Variants in POLR2E observed in about 807,000 individuals in gnomAD.
POLR2E encodes DNA-directed RNA polymerases I, II, and III subunit RPABC1.
Under a neutral mutation model 29.8 loss-of-function variants are expected in POLR2E, and 35 were observed. The observed-to-expected ratio is 1.17, with a 90% CI of 0.90 to 1.55. The LOEUF is 1.55. POLR2E is among the 40% of genes most tolerant of loss of function. The pLI, the probability that POLR2E is intolerant of heterozygous loss-of-function variation, is 0.00. For missense variants in POLR2E, 287 were observed against 288.6 expected, an observed-to-expected ratio of 0.99 and a Z score of 0.04; for synonymous variants, 174 against 112.6, an observed-to-expected ratio of 1.55 and a Z score of -3.45.
chr19:1,094,065 C>T lies in POLR2E; in HGVS notation c.71G>A (p.Arg24His), dbSNP rs200794578. ...CTCGTCCTGGGTCACCAGATAGCCA[C>T]GGTCGTGGCACAGCTGCAGAGAGAA... Reference protein sequence around the residue: ...RKTIMQLCHDRGYLVTQDELD... With the variant: ...RKTIMQLCHDHGYLVTQDELD... Residue 24 changes from arginine to histidine, a missense_variant, in exon 2 of 8, where the codon CGT becomes CAT. By Grantham distance (29) the Arg-to-His change is conservative. Transcript: ENST00000615234. 8 of 1,611,664 alleles carry T rather than the reference C, an allele frequency of 5.0e-6. No individual in the cohort carries two copies. The highest frequency in any genetic ancestry group is 3.4e-5 in the Admixed American group (2 of 59,550).
At chr19:1,089,745 G>A (rs1381860914) in intron 6 of POLR2E, 139 bp downstream of exon 6, 2 of 801,154 alleles carry the variant, frequency 2.5e-6, no homozygotes, top group African/African-American at 1.7e-5. Context: ...TTTAAGAGGG[G>A]GATATTGGGG....
rs1185676987 is a variant in POLR2E, at chr19:1,093,975, C to T, written c.161G>A (p.Arg54Gln). The T allele has an allele frequency of 7.4e-6, 12 of 1,613,696 alleles. No individual in the cohort carries two copies. The highest frequency in any genetic ancestry group is 2.2e-5 in the South Asian group (2 of 91,062). The change falls in exon 2 of 8, where the codon CGG becomes CAG. Residue 54 changes from arginine (R) to glutamine (Q), a missense_variant. Transcript: ENST00000615234. Reference sequence around the variant, plus strand: ...CACCAGCACGGTGAGGTCCGTGCGCCGCGGCCGCCCCTCACTCGGCTTGTC... The same window carrying T: ...CACCAGCACGGTGAGGTCCGTGCGCTGCGGCCGCCCCTCACTCGGCTTGTC... ...SGDKPSEGRP[R>Q]RTDLTVLVAH...
In POLR2E at chr19:1,095,210, C is replaced by T. The variant is rs372489646; in HGVS notation, c.57+49G>A. 30 of 1,592,234 alleles carry T rather than the reference C, an allele frequency of 1.9e-5. No homozygotes were observed. The African/African-American group carries it at 4.0e-4, about 21-fold the overall frequency. On this transcript the variant is annotated intron_variant, in intron 1 of 7. Coordinates refer to ENST00000615234, the MANE Select transcript of POLR2E (RefSeq NM_002695.5). The stretch of plus-strand genomic sequence containing the variant: ...GCCGTGCTCGACCCCACCTCGGGCC[C>T]CTACACCCGCCGCCCGCGCCCCCGC...
chr19:1,091,023 G>A (rs2043817320), intron 3 of POLR2E, 35 bp from the exon 4 acceptor site: 4 of 1,595,974 alleles, frequency 2.5e-6, no homozygotes, highest in East Asian at 4.5e-5. Flanking sequence ...CGGCCCGGAG[G>A]GGCCCAGACA....
chr19:1,088,872 G>A (rs903547103), intron 7 of POLR2E, among the ~76,000 whole-genome samples, 152 bp from the exon 8 acceptor site: 12 of 151,540 alleles, frequency 7.9e-5, no homozygotes, highest in Non-Finnish European at 1.8e-4. Context: ...TGTGCCCAGC[G>A]GTCACACAGG....
chr19:1,095,070 C>A (rs2043912049), intron 1 of POLR2E, 189 bp downstream of exon 1: 1 of 597,358 alleles, frequency 1.7e-6, no homozygotes, highest in Non-Finnish European at 2.9e-6. Context: ...AACCCCCTCC[C>A]TTCCCCGCTG....
At chr19:1,094,193 G>A in intron 1 of POLR2E, 115 bp from the exon 2 acceptor site, 4 of 897,934 alleles carry the variant, frequency 4.5e-6, no homozygotes, top group Middle Eastern at 2.8e-4. Context: ...ACAGCAAACG[G>A]GATGAACACT....
chr19:1,093,779 T>C, intron 2 of POLR2E, 125 bp downstream of exon 2: 1 of 1,414,378 alleles, frequency 7.1e-7, no homozygotes, highest in African/African-American at 1.5e-5. Context: ...AGGGGAGTTT[T>C]CCTCCCAGAC....
chr19:1,095,257 A>T lies in POLR2E; in HGVS notation c.57+2T>A. The T allele has an allele frequency of 6.2e-7, 1 of 1,612,814 alleles. No homozygotes were observed. On this transcript the variant is annotated splice_donor_variant, in intron 1 of 7. Coordinates refer to ENST00000615234, the MANE Select transcript of POLR2E (RefSeq NM_002695.5). LOFTEE classifies it high-confidence loss of function. Reference sequence around the variant, plus strand: ...CCGCCCCCAACACCAGGCGCGGCTCACCTGCATGATGGTCTTGCGGATTTT... The same window carrying T: ...CCGCCCCCAACACCAGGCGCGGCTCTCCTGCATGATGGTCTTGCGGATTTT...
At chr19:1,094,181 G>A in intron 1 of POLR2E, 103 bp from the exon 2 acceptor site, 2 of 1,080,660 alleles carry the variant, frequency 1.9e-6, no homozygotes, top group Admixed American at 2.5e-5. Flanking sequence ...GGACAGAGGT[G>A]AACAGCAAAC....
chr19:1,095,325 C>T lies in POLR2E; in HGVS notation c.-10G>A, dbSNP rs771203927. Reference sequence around the variant, plus strand: ...CCTCCTCGTCGTCCATGGCAGCCTCCGCCGCCGCCGCCGCTCGCACCCCTT... The same window carrying T: ...CCTCCTCGTCGTCCATGGCAGCCTCTGCCGCCGCCGCCGCTCGCACCCCTT... On this transcript the variant is annotated 5_prime_UTR_variant, in exon 1 of 8. Coordinates refer to ENST00000615234, the MANE Select transcript of POLR2E (RefSeq NM_002695.5). 59 of 1,592,582 alleles carry T rather than the reference C, an allele frequency of 3.7e-5. No individual in the cohort carries two copies. Among genetic ancestry groups the T allele is most frequent in the Non-Finnish European group, 4.9e-5 (57 of 1,164,042 alleles).
chr19:1,091,886 T>G lies in POLR2E; in HGVS notation c.254A>C (p.Lys85Thr). Residue 85 changes from lysine (K) to threonine (T), a missense_variant, in exon 3 of 8, where the codon AAG becomes ACG. Coordinates refer to ENST00000615234, the MANE Select transcript of POLR2E (RefSeq NM_002695.5). Reference protein sequence around the residue: ...FFPEEPKVGIKTIKVYCQRMQ... With the variant: ...FFPEEPKVGITTIKVYCQRMQ... ...GCGCTGGCAGTACACCTTGATGGTC[T>G]TGATGCCCACCTTGGGCTCCTCTGC... The G allele has an allele frequency of 6.2e-7, 1 of 1,612,366 alleles. No individual in the cohort carries two copies. Among genetic ancestry groups the G allele is most frequent in the South Asian group, 1.1e-5 (1 of 91,066 alleles).
rs2043711764 is a variant in POLR2E, at chr19:1,087,187, T to G, written c.*1548A>C. ...AAAGTTTTTTGTAGAGGTGGGGGGT[T>G]TCTCTGTGTTGCCCGGGCTGGTCTT... On this transcript the variant is annotated 3_prime_UTR_variant, in exon 8 of 8. Coordinates refer to ENST00000615234, the MANE Select transcript of POLR2E (RefSeq NM_002695.5). 1 of 150,896 alleles carries G rather than the reference T, an allele frequency of 6.6e-6. No homozygotes were observed. The highest frequency in any genetic ancestry group is 2.4e-5 in the African/African-American group (1 of 40,880). The allele number at this position is 150,896 out of a possible 1,614,324, so 9.3% of individuals were successfully genotyped here. A position where few individuals can be genotyped will look rare whatever the true frequency, so the allele number is the denominator to read the frequency against.
At chr19:1,093,403 G>A (rs577612287) in intron 2 of POLR2E, among the ~76,000 whole-genome samples, 1 of 152,258 alleles carries the variant, frequency 6.6e-6, no homozygotes, top group East Asian at 1.9e-4. Context: ...GGGTCCCAGG[G>A]GTCCTGGGAA....
At chr19:1,092,062 G>T (rs1160610947) in intron 2 of POLR2E, among the ~76,000 whole-genome samples, 155 bp from the exon 3 acceptor site, 1 of 152,182 alleles carries the variant, frequency 6.6e-6, no homozygotes, top group Non-Finnish European at 1.5e-5. Context: ...GGCCTGAGTT[G>T]CAGGATCCCA....
rs1238515759 is a variant in POLR2E, at chr19:1,086,760, A to G, written c.*1975T>C. 1 of 151,912 alleles carries G rather than the reference A, an allele frequency of 6.6e-6. No individual in the cohort carries two copies. The highest frequency in any genetic ancestry group is 1.5e-5 in the Non-Finnish European group (1 of 67,936). The allele number at this position is 151,912 out of a possible 1,614,324, so 9.4% of individuals were successfully genotyped here. ...CCTCCCCCTAGGGGAGGGATGTGTG[A>G]GGAAGGGAACCCCCCGCCACGGGGC... On this transcript the variant is annotated 3_prime_UTR_variant, in exon 8 of 8. Transcript: ENST00000615234.
chr19:1,091,195 A>G (rs548947810), intron 3 of POLR2E, among the ~76,000 whole-genome samples: 10 of 152,332 alleles, frequency 6.6e-5, no homozygotes, highest in African/African-American at 2.2e-4. Context: ...TCCAGCAGTG[A>G]AGTGGCCGTG....
At chr19:1,089,800 G>T (rs974630028) in intron 6 of POLR2E, 84 bp downstream of exon 6, 1 of 1,112,790 alleles carries the variant, frequency 9.0e-7, no homozygotes, top group Non-Finnish European at 1.3e-6. Flanking sequence ...AAGGGGGAGG[G>T]GCTGTCGGGG....
intron 1 of POLR2E, chr19:1,094,662 G>A (rs889347329): frequency 5.1e-5 from 8 of 157,310 alleles, no homozygotes; most frequent in African/African-American, 1.7e-4. Context: ...CAAAGGGTGG[G>A]AAGCAAGACA....
Sources: allele counts gnomAD v4.1 joint callset (sites outside exome capture counted in the v4.1 genomes callset), GRCh38; gene constraint gnomAD v4.1.1; transcripts MANE v1.5; gene names NCBI Gene and HGNC (gene_info 2026-07-23, HGNC 2026-07-21).